The following NHSL2 variants were observed in gnomAD, a reference collection of about 807,000 sequenced individuals.
The protein encoded by NHSL2 is NHS-like protein 2.
In NHSL2, 27 loss-of-function variants were observed where a neutral mutation model predicts 53.4. That is an observed-to-expected ratio of 0.51 (90% CI 0.37 to 0.70). The LOEUF (loss-of-function observed/expected upper bound fraction) is 0.70. Among genes scored for constraint, NHSL2 ranks in the 30% least tolerant of loss-of-function variants. NHSL2 has a pLI of 0.00. For synonymous variants in NHSL2, 408 were observed against 404.1 expected, an observed-to-expected ratio of 1.01 and a Z score of -0.12; for missense variants, 892 against 980.1, an observed-to-expected ratio of 0.91 and a Z score of 1.20.
intron 1 of NHSL2, among the ~76,000 whole-genome samples, chrX:71,912,644 A>G (rs781749968): frequency 2.7e-4 from 30 of 111,384 alleles, no homozygotes; most frequent in Middle Eastern, 4.6e-3. Context: ...ACTGAGTCCT[A>G]TTGGAAAAGA....
At chrX:72,037,145 C>T (rs2042245077) in intron 1 of NHSL2, among the ~76,000 whole-genome samples, 1 of 112,288 alleles carries the variant, frequency 8.9e-6, no homozygotes, top group Non-Finnish European at 1.9e-5. Context: ...ATCGGCTGGG[C>T]ACAGTGGCTC....
chrX:72,048,876 C>G (rs981271650), intron 1 of NHSL2, among the ~76,000 whole-genome samples: 1 of 109,286 alleles, frequency 9.2e-6, no homozygotes, highest in African/African-American at 3.4e-5. Flanking sequence ...GTAATGTCAG[C>G]TACTCAGGAG....
At chrX:71,925,450 G>A (rs1238054684) in intron 1 of NHSL2, among the ~76,000 whole-genome samples, 2 of 106,169 alleles carry the variant, frequency 1.9e-5, no homozygotes, top group African/African-American at 3.5e-5. Flanking sequence ...ACGGAGTCTC[G>A]CTCTGTGACC....
chrX:72,049,009 A>AGAAGAAGAAGAG (rs1556340802), intron 1 of NHSL2, among the ~76,000 whole-genome samples: 9 of 86,164 alleles, frequency 1.0e-4, no homozygotes, highest in South Asian at 6.4e-4. Flanking sequence ...AAGAAGAAGA[A>AGAAGAAGAAGAG]GAAGAGGAAG....
rs772306016 is a variant in NHSL2 at position 72,140,010 on chromosome X, C to G, written c.2462C>G (p.Pro821Arg). ...ACTAATCCCAACCAGCCAATCATGC[C>G]TATGGTTACTCAGTCCGACCTACGT... is the stretch of plus-strand genomic sequence containing the variant. ...QKTNPNQPIM[P>R]MVTQSDLRSV... is the part of the protein sequence containing the mutation. The change falls in exon 6 of 8, where the codon CCT (proline) becomes CGT (arginine). Residue 821 changes from proline to arginine, a missense_variant. Physicochemically the swap from Pro to Arg is moderately radical, Grantham distance 103 (BLOSUM62 -2). Coordinates refer to ENST00000633930, the MANE Select transcript of NHSL2 (RefSeq NM_001013627.3). 1 of 1,210,436 alleles carries G rather than the reference C, an allele frequency of 8.3e-7. No individual in the cohort carries two copies. Among genetic ancestry groups the G allele is most frequent in the Admixed American group, 2.2e-5 (1 of 45,946 alleles).
intron 1 of NHSL2, among the ~76,000 whole-genome samples, chrX:71,974,838 T>C (rs1435977689): frequency 8.9e-6 from 1 of 112,154 alleles, no homozygotes; most frequent in Non-Finnish European, 1.9e-5. Context: ...TAATGGAAAG[T>C]GTGATAGCGC....
At chrX:71,912,849 AG>A (rs1309207462) in intron 1 of NHSL2, among the ~76,000 whole-genome samples, 1 of 111,739 alleles carries the variant, frequency 8.9e-6, no homozygotes, top group African/African-American at 3.3e-5. Flanking sequence ...TGAGTTCAGT[AG>A]GGTAAGTTAA....
intron 1 of NHSL2, among the ~76,000 whole-genome samples, chrX:72,081,749 CAG>C (rs1312457330): frequency 1.8e-5 from 2 of 112,812 alleles, no homozygotes; most frequent in African/African-American, 3.2e-5. Context: ...TCTCTAAAAA[CAG>C]AGCTGAGATA....
chrX:72,142,452 T>C (rs1602406609), intron 7 of NHSL2, 88 bp downstream of exon 7: 2 of 756,692 alleles, frequency 2.6e-6, no homozygotes, highest in Non-Finnish European at 3.7e-6. Context: ...GAAATCCTAA[T>C]TGTAAAAGAA....
At chrX:71,925,752 C>A (rs1190174845) in intron 1 of NHSL2, among the ~76,000 whole-genome samples, 1 of 112,118 alleles carries the variant, frequency 8.9e-6, no homozygotes, top group African/African-American at 3.2e-5. Flanking sequence ...ACAATGATTG[C>A]ATGAAATAGT....
Position 72,139,435 on chromosome X carries a change from A to G in NHSL2, c.1887A>G (p.Pro629=). The G allele has an allele frequency of 8.3e-7, 1 of 1,211,329 alleles. No homozygotes were observed. Among genetic ancestry groups the G allele is most frequent in the Admixed American group, 2.2e-5 (1 of 46,044 alleles). The change falls in exon 6 of 8, where the codon CCA becomes CCG. Residue 629 remains proline, a synonymous_variant. Transcript: ENST00000633930. ...GHPAIPNHKD[P]ESTQFSHHWY... ...CAGCTATTCCAAACCACAAAGATCC[A>G]GAAAGTACACAATTCTCCCACCACT...
intron 1 of NHSL2, among the ~76,000 whole-genome samples, chrX:72,019,110 A>G (rs1275523774): frequency 8.9e-6 from 1 of 111,781 alleles, no homozygotes; most frequent in Non-Finnish European, 1.9e-5. Context: ...TCCAAAATGA[A>G]TCTGCCTAAG....
At chrX:71,931,070 T>C (rs776236765) in intron 1 of NHSL2, among the ~76,000 whole-genome samples, 26 of 112,482 alleles carry the variant, frequency 2.3e-4, no homozygotes, top group Non-Finnish European at 4.3e-4. Context: ...TGTTATTTTC[T>C]GAATTTTTTA....
intron 1 of NHSL2, among the ~76,000 whole-genome samples, chrX:72,019,186 G>T (rs775037198): frequency 8.9e-6 from 1 of 112,647 alleles, no homozygotes; most frequent in Non-Finnish European, 1.9e-5. Context: ...GAAGATTGGA[G>T]CTGTCTGCAG....
chrX:72,136,800 G>A (rs915706644), intron 4 of NHSL2, among the ~76,000 whole-genome samples: 7 of 112,382 alleles, frequency 6.2e-5, no homozygotes, highest in African/African-American at 2.3e-4. Flanking sequence ...AGTGTTCTGG[G>A]GTAAGGTCCA....
Position 72,117,494 on chromosome X carries a change from T to C in NHSL2, c.281-14585T>C, listed in dbSNP as rs2042148573. ...TTGAAGCATACAATTCACTGGGTTT[T>C]AATATATCCAGAGTTGCACAGCCAT... On this transcript the variant is annotated intron_variant, in intron 1 of 7. Coordinates refer to ENST00000633930, the MANE Select transcript of NHSL2 (RefSeq NM_001013627.3). 3.7e-5 allele frequency among the ~76,000 whole-genome samples: 4 copies of C among 109,229 alleles called. No individual in the cohort carries two copies. In the Admixed American group the frequency reaches 4.0e-4, roughly 11 times the overall value. The allele number at this position is 109,229 out of a possible 115,157, so 94.9% of individuals were successfully genotyped here.
chrX:71,964,477 G>C (rs1360660679), intron 1 of NHSL2, among the ~76,000 whole-genome samples: 1 of 110,960 alleles, frequency 9.0e-6, no homozygotes, highest in Non-Finnish European at 1.9e-5. Flanking sequence ...TTTTGACAGG[G>C]CTCTCTTTGA....
intron 1 of NHSL2, among the ~76,000 whole-genome samples, chrX:71,985,889 T>C (rs986494087): frequency 8.9e-6 from 1 of 111,894 alleles, no homozygotes; most frequent in Non-Finnish European, 1.9e-5. Flanking sequence ...TAAACCACCT[T>C]TTAAAGAGGA....
chrX:72,124,447 C>A (rs761990106), intron 1 of NHSL2, among the ~76,000 whole-genome samples: 1 of 111,243 alleles, frequency 9.0e-6, no homozygotes, highest in Non-Finnish European at 1.9e-5. Context: ...ATCTGTGGGT[C>A]GGTTCTTGCT....
Sources: gnomAD v4.1 joint callset for allele counts (sites outside exome capture counted in the v4.1 genomes callset) on GRCh38, gnomAD v4.1.1 for gene constraint, MANE v1.5 for transcripts, NCBI Gene and HGNC (gene_info 2026-07-23, HGNC 2026-07-21) for gene names.